The following ZNF469 variants were observed in gnomAD, a reference collection of about 807,000 sequenced individuals.
ZNF469 encodes zinc finger protein 469.
ZNF469 carries 1 observed loss-of-function variant against 1.0 expected under a neutral mutation model. That is an observed-to-expected ratio of 1.00 (90% CI 0.35 to 4.73). The LOEUF is 4.73. Ranked by LOEUF, ZNF469 falls within the 30% of genes most tolerant of loss-of-function variation. The pLI is 0.16. For synonymous variants in ZNF469, 2,703 were observed against 2,363.4 expected (o/e 1.14, Z -4.17); for missense variants, 6,100 against 5,356.3 (o/e 1.14, Z -4.33).
Position 88,431,792 on chromosome 16 carries a change from C to T in ZNF469, c.4322C>T (p.Pro1441Leu). Residue 1441 changes from proline to leucine, a missense_variant, in exon 3 of 3, where the codon CCA becomes CTA. By Grantham distance (98) the Pro-to-Leu change is moderately conservative. Coordinates refer to ENST00000565624, the MANE Select transcript of ZNF469 (RefSeq NM_001367624.2). ...RSPPGTAETE[P>L]GRAASPPTLE... ...CCACCTGGCACCGCTGAGACGGAGC[C>T]AGGCAGGGCTGCATCGCCACCGACC... 6.5e-7 allele frequency: 1 copy of T among 1,549,812 alleles called. No homozygotes were observed. The highest frequency in any genetic ancestry group is 8.7e-7 in the Non-Finnish European group (1 of 1,146,930).
chr16:88,130,105 C>T, the ZNF469 span, among the ~76,000 whole-genome samples: 4 of 152,166 alleles, frequency 2.6e-5, no homozygotes, highest in Non-Finnish European at 5.9e-5. Context: ...CAGAGTTGGG[C>T]TCAAGGACCA....
chr16:88,165,968 T>C, the ZNF469 span, among the ~76,000 whole-genome samples: 38 of 152,000 alleles, frequency 2.5e-4, no homozygotes, highest in South Asian at 6.2e-3. Flanking sequence ...TGAGGCTGAG[T>C]GGTGTTTTTA....
the ZNF469 span, among the ~76,000 whole-genome samples, chr16:88,164,564 G>C: frequency 6.6e-6 from 1 of 152,266 alleles, no homozygotes; most frequent in South Asian, 2.1e-4. Flanking sequence ...CCTGAACCTC[G>C]CTGTTGATGA....
the ZNF469 span, among the ~76,000 whole-genome samples, chr16:88,348,021 G>T: frequency 1.2e-4 from 18 of 152,364 alleles, no homozygotes; most frequent in African/African-American, 3.8e-4. Flanking sequence ...CGTCCTCCTC[G>T]CTGTGGAAGC....
chr16:88,210,488 G>A, the ZNF469 span, among the ~76,000 whole-genome samples: 2 of 152,202 alleles, frequency 1.3e-5, no homozygotes, highest in Admixed American at 1.3e-4. Context: ...ATCTTCTCTT[G>A]TGTTGCATTT....
the ZNF469 span, among the ~76,000 whole-genome samples, chr16:88,165,328 C>T: frequency 1.3e-5 from 2 of 152,242 alleles, no homozygotes; most frequent in Admixed American, 6.5e-5. Context: ...TTCTCTGGCG[C>T]CTCCCAGTCC....
the ZNF469 span, among the ~76,000 whole-genome samples, chr16:88,172,985 A>G: frequency 6.6e-6 from 1 of 152,252 alleles, no homozygotes; most frequent in African/African-American, 2.4e-5. Flanking sequence ...GATAATATCA[A>G]AGCATCGTGT....
chr16:88,274,965 G>A, the ZNF469 span, among the ~76,000 whole-genome samples: 11 of 152,260 alleles, frequency 7.2e-5, no homozygotes, highest in African/African-American at 2.6e-4. Context: ...TCGCACACAT[G>A]CCAACACTCT....
the ZNF469 span, among the ~76,000 whole-genome samples, chr16:88,261,913 C>G: frequency 6.6e-6 from 1 of 152,128 alleles, no homozygotes; most frequent in African/African-American, 2.4e-5. The surrounding 1 kb of genome is among the most constrained non-coding windows in gnomAD (Gnocchi z 6.0). Flanking sequence ...CTCTCTGAGC[C>G]CAAGGAAGGC....
intron 1 of ZNF469, among the ~76,000 whole-genome samples, chr16:88,414,212 T>G (rs1905247865): frequency 6.6e-6 from 1 of 152,190 alleles, no homozygotes; most frequent in African/African-American, 2.4e-5. Context: ...AGCCCCCACC[T>G]GGATTCAGGC....
At chr16:88,252,302 C>G in the ZNF469 span, among the ~76,000 whole-genome samples, 1 of 150,244 alleles carries the variant, frequency 6.7e-6, no homozygotes, top group Admixed American at 6.7e-5. Flanking sequence ...GAGTTTCAAG[C>G]CAACTTTTCT....
At chr16:88,367,009 C>T in the ZNF469 span, among the ~76,000 whole-genome samples, 1 of 152,132 alleles carries the variant, frequency 6.6e-6, no homozygotes, top group African/African-American at 2.4e-5. Flanking sequence ...TTACTAGCAT[C>T]TTCACCACCA....
At chr16:88,178,645 C>A in the ZNF469 span, 1 of 152,178 alleles carries the variant, frequency 6.6e-6, no homozygotes, top group Admixed American at 6.5e-5. Flanking sequence ...AAGCTTGCTG[C>A]ACTGGAAGAG....
chr16:88,324,503 C>T, the ZNF469 span, among the ~76,000 whole-genome samples: 53 of 152,262 alleles, frequency 3.5e-4, no homozygotes, highest in African/African-American at 9.9e-4. Flanking sequence ...GGGCTCAGCC[C>T]GGGAGGGTTC....
In ZNF469 at chr16:88,433,241, A is replaced by C; in HGVS notation, c.5771A>C (p.Glu1924Ala). ...KSKDGILGLQ[E>A]LTPAAQSPPR... Reference sequence around the variant, plus strand: ...AAAGATGGCATCCTGGGCTTGCAGGAGCTGACACCTGCTGCCCAGAGCCCT... The same window carrying C: ...AAAGATGGCATCCTGGGCTTGCAGGCGCTGACACCTGCTGCCCAGAGCCCT... Residue 1924 changes from glutamate (E) to alanine (A), a missense_variant, in exon 3 of 3, where the codon GAG (glutamate) becomes GCG (alanine). Transcript: ENST00000565624. 2 of 1,550,082 alleles carry C rather than the reference A, an allele frequency of 1.3e-6. No homozygotes were observed. The highest frequency in any genetic ancestry group is 1.7e-6 in the Non-Finnish European group (2 of 1,146,890).
the ZNF469 span, among the ~76,000 whole-genome samples, chr16:88,262,961 G>A: frequency 6.6e-6 from 1 of 152,264 alleles, no homozygotes; most frequent in Non-Finnish European, 1.5e-5. This position sits in a 1 kb window ranked among gnomAD's most constrained non-coding sequence, Gnocchi z 4.3. Context: ...CTCCCTCTCA[G>A]TGGAGGAGCG....
intron 1 of ZNF469, among the ~76,000 whole-genome samples, chr16:88,388,638 G>T (rs912660163): frequency 6.6e-6 from 1 of 152,272 alleles, no homozygotes; most frequent in Admixed American, 6.5e-5. Flanking sequence ...CAGAGGGGGC[G>T]TGGGAGCCAG....
chr16:88,337,584 G>A, the ZNF469 span, among the ~76,000 whole-genome samples: 7 of 152,208 alleles, frequency 4.6e-5, no homozygotes, highest in Non-Finnish European at 8.8e-5. Flanking sequence ...CTCTCTGATT[G>A]TCTTTTTGAG....
chr16:88,170,868 T>A, the ZNF469 span, among the ~76,000 whole-genome samples: 1 of 151,930 alleles, frequency 6.6e-6, no homozygotes, highest in African/African-American at 2.4e-5. The surrounding 1 kb of genome is among the most constrained non-coding windows in gnomAD (Gnocchi z 4.2). Flanking sequence ...TAACTGACTT[T>A]CCCTCCAACC....
Sources: gnomAD v4.1 joint callset for allele counts (sites outside exome capture counted in the v4.1 genomes callset) on GRCh38, gnomAD v4.1.1 for gene constraint, Gnocchi (gnomAD v3.1) non-coding constraint, MANE v1.5 for transcripts, NCBI Gene and HGNC (gene_info 2026-07-23, HGNC 2026-07-21) for gene names.